Variants in TBC1D1 observed in about 807,000 individuals in gnomAD.
The protein encoded by TBC1D1 is TBC1 domain family member 1.
TBC1D1 carries 89 observed loss-of-function variants against 125.6 expected under a neutral mutation model. The observed-to-expected ratio is 0.71, with a 90% CI of 0.60 to 0.85. The LOEUF (loss-of-function observed/expected upper bound fraction) is 0.85. Ranked by LOEUF, TBC1D1 falls within the 40% of genes least tolerant of loss-of-function variation. The pLI is 0.00. For missense variants in TBC1D1, 1,377 were observed against 1,469.2 expected, an observed-to-expected ratio of 0.94 and a Z score of 1.03; for synonymous variants, 565 against 564.1, an observed-to-expected ratio of 1.00 and a Z score of -0.02.
chr4:38,075,375 C>T (rs1456048182), intron 12 of TBC1D1, among the ~76,000 whole-genome samples: 1 of 152,048 alleles, frequency 6.6e-6, no homozygotes, highest in African/African-American at 2.4e-5. Context: ...GTCATGGATA[C>T]CTAAAAAGTA....
chr4:37,915,037 A>T (rs1377615074), intron 2 of TBC1D1, among the ~76,000 whole-genome samples: 11 of 152,218 alleles, frequency 7.2e-5, no homozygotes, highest in Admixed American at 7.2e-4. Context: ...CTTCCATGTT[A>T]ACCACCTACT....
intron 11 of TBC1D1, 119 bp downstream of exon 12, chr4:38,052,179 G>GTGTGTGTA: frequency 1.5e-6 from 1 of 675,170 alleles, no homozygotes; most frequent in South Asian, 2.1e-5. Context: ...GTGTGTGTGT[G>GTGTGTGTA]TGTGTGTGTG....
chr4:37,912,798 C>G, intron 2 of TBC1D1, among the ~76,000 whole-genome samples: 1 of 152,204 alleles, frequency 6.6e-6, no homozygotes, highest in Non-Finnish European at 1.5e-5. Flanking sequence ...ACCAATCCTA[C>G]CTGAGCCTTA....
chr4:38,006,124 T>C (rs1370889565), intron 2 of TBC1D1, among the ~76,000 whole-genome samples: 1 of 152,184 alleles, frequency 6.6e-6, no homozygotes, highest in Non-Finnish European at 1.5e-5. Context: ...GTTAAAAATT[T>C]TTGATATGAG....
chr4:38,132,187 T>G (rs1248400086), intron 18 of TBC1D1, among the ~76,000 whole-genome samples: 3 of 146,134 alleles, frequency 2.1e-5, no homozygotes, highest in African/African-American at 5.4e-5. Flanking sequence ...CTAGCAGGGT[T>G]TTTTTTTTTT....
chr4:37,960,620 G>A (rs1172852898), intron 2 of TBC1D1: 13 of 1,614,142 alleles, frequency 8.1e-6, no homozygotes, highest in Non-Finnish European at 1.1e-5. Context: ...CTACCAGAAA[G>A]GCTTTGGGCA....
At chr4:38,135,952 G>GTGTGTGTA (rs386356844) in intron 19 of TBC1D1, among the ~76,000 whole-genome samples, 1 of 133,424 alleles carries the variant, frequency 7.5e-6, no homozygotes, top group South Asian at 2.4e-4. Context: ...GTGTGTGTGT[G>GTGTGTGTA]TATATATGTG....
At chr4:37,948,772 C>G (rs79563703) in intron 2 of TBC1D1, among the ~76,000 whole-genome samples, 1,914 of 152,248 alleles carry the variant, frequency 0.013, 40 homozygotes, top group African/African-American at 0.044. Context: ...TGTCACCCCC[C>G]GTCTTCCTCC....
intron 6 of TBC1D1, among the ~76,000 whole-genome samples, chr4:38,026,378 A>G (rs1362222896): frequency 6.6e-6 from 1 of 152,180 alleles, no homozygotes; most frequent in Non-Finnish European, 1.5e-5. Flanking sequence ...GTGGCTGCCG[A>G]TGGGCCTCCT....
At position 38,120,148 on chromosome 4, in the gene TBC1D1, A is replaced by T. The variant is rs917154266; in HGVS notation, c.2962+1956A>T. 7.1e-5 allele frequency: 69 copies of T among 976,966 alleles called. No individual in the cohort carries two copies. The African/African-American group carries it at 1.1e-3, about 16-fold the overall frequency. 60.5% of individuals were successfully genotyped at this position (976,966 alleles called of 1,614,324 possible). On this transcript the variant is annotated intron_variant, in intron 17 of 19. Coordinates refer to ENST00000261439, the MANE Select transcript of TBC1D1 (RefSeq NM_015173.4). ...TGTAGACTTTGTAGGCAGTGGTGAG[A>T]CTCGGAGTTTCATAAACATTATGCA...
At chr4:38,029,370 C>G (rs1229724540) in intron 7 of TBC1D1, among the ~76,000 whole-genome samples, 4 of 152,082 alleles carry the variant, frequency 2.6e-5, no homozygotes, top group African/African-American at 9.7e-5. Context: ...CTCTCTCTCT[C>G]TTTGTTGTTT....
intron 8 of TBC1D1, among the ~76,000 whole-genome samples, chr4:38,042,610 G>T (rs757743948): frequency 6.6e-6 from 1 of 152,100 alleles, no homozygotes; most frequent in Non-Finnish European, 1.5e-5. Context: ...ACAGCTCTGC[G>T]AGGAAAGTTC....
At chr4:38,110,596 C>T (rs760262299) in intron 15 of TBC1D1, 16 of 985,258 alleles carry the variant, frequency 1.6e-5, no homozygotes, top group Non-Finnish European at 1.7e-5. Context: ...CCACAAGACA[C>T]ATCGAATGTC....
Position 37,932,928 on chromosome 4 carries a change from G to A in TBC1D1, c.417+30416G>A, listed in dbSNP as rs147820329. On this transcript the variant is annotated intron_variant, in intron 2 of 19. Transcript: ENST00000261439. ...AAAAATTAGCCAGAGGTGGCGGCGGGTGCCTGTAATCCCAGCTACTTGGGA... is the reference window on the plus strand; with the variant it reads ...AAAAATTAGCCAGAGGTGGCGGCGGATGCCTGTAATCCCAGCTACTTGGGA... 4.8e-3 allele frequency among the ~76,000 whole-genome samples: 725 copies of A among 152,018 alleles called. 7 individuals carry two copies. Among genetic ancestry groups the A allele is most frequent in the African/African-American group, 0.016 (676 of 41,454 alleles).
Position 38,014,933 on chromosome 4 carries a change from A to T in TBC1D1, c.842A>T (p.Gln281Leu). 1 of 1,566,348 alleles carries T rather than the reference A, an allele frequency of 6.4e-7. No individual in the cohort carries two copies. Residue 281 changes from glutamine to leucine, a missense_variant, in exon 3 of 20, where the codon CAG (glutamine) becomes CTG (leucine). Physicochemically the swap from Gln to Leu is moderately radical, Grantham distance 113. Transcript: ENST00000261439. The surrounding 1 kb of genome is among the most constrained non-coding windows in gnomAD (Gnocchi z 5.1). Reference sequence around the variant, plus strand: ...CTCATTAGCGGACACAATATTGTGCAGCCCACAGATATCGAGGAAAATCGA... The same window carrying T: ...CTCATTAGCGGACACAATATTGTGCTGCCCACAGATATCGAGGAAAATCGA...
chr4:38,095,931 T>A lies in TBC1D1; in HGVS notation c.2239T>A (p.Ser747Thr). The A allele has an allele frequency of 6.2e-7, 1 of 1,613,114 alleles. No individual in the cohort carries two copies. Among genetic ancestry groups the A allele is most frequent in the Non-Finnish European group, 8.5e-7 (1 of 1,179,564 alleles). The change falls in exon 14 of 20, where the codon TCT (serine) becomes ACT (threonine). Residue 747 changes from serine to threonine, a missense_variant and splice_region_variant. Transcript: ENST00000261439. Reference sequence around the variant, plus strand: ...CGCTCTGGAATGGTCTATTCCAGCCTCTGAAAATGATTTGCTGAACAAGCG... The same window carrying A: ...CGCTCTGGAATGGTCTATTCCAGCCACTGAAAATGATTTGCTGAACAAGCG...
At chr4:38,019,567 A>G (rs1743552386) in intron 4 of TBC1D1, among the ~76,000 whole-genome samples, 2 of 152,172 alleles carry the variant, frequency 1.3e-5, no homozygotes, top group African/African-American at 2.4e-5. Flanking sequence ...ATAATTTCCT[A>G]AAGAGTGTAG....
chr4:38,038,650 T>C (rs1747679365), intron 8 of TBC1D1, among the ~76,000 whole-genome samples: 1 of 152,160 alleles, frequency 6.6e-6, no homozygotes, highest in Admixed American at 6.6e-5. Flanking sequence ...TATCAAGATA[T>C]AGAATATTTT....
In TBC1D1 at chr4:38,016,926, G is replaced by A. The variant is rs1742862014; in HGVS notation, c.883-1428G>A. Among the ~76,000 whole-genome samples, 3 of 152,228 alleles carry A rather than the reference G, an allele frequency of 2.0e-5. No individual in the cohort carries two copies. In the South Asian group the frequency reaches 6.2e-4, roughly 32 times the overall value. ...GATACTTGGGGGAGGGCAAGAGTAG[G>A]ATGGGGAGGGGAGTGAAGCTGTTGT... On this transcript the variant is annotated intron_variant, in intron 3 of 19. Transcript: ENST00000261439.
Sources: allele counts gnomAD v4.1 joint callset (sites outside exome capture counted in the v4.1 genomes callset), GRCh38; gene constraint gnomAD v4.1.1; non-coding constraint Gnocchi (gnomAD v3.1); transcripts MANE v1.5; gene names NCBI Gene and HGNC (gene_info 2026-07-23, HGNC 2026-07-21).